The following ZFHX3 variants were observed in gnomAD, a reference collection of about 807,000 sequenced individuals.
ZFHX3 encodes the protein zinc finger homeobox 3.
A neutral mutation model predicts 279.1 loss-of-function variants in ZFHX3; 42 were observed. The ratio of observed to expected loss-of-function variants is 0.15; its 90% CI spans 0.12 to 0.19. The LOEUF (loss-of-function observed/expected upper bound fraction) is 0.19, where lower values mean the gene tolerates loss of function less well. Ranked by LOEUF, ZFHX3 falls within the 10% of genes least tolerant of loss-of-function variation. The pLI is 1.00. For synonymous variants in ZFHX3, 2,293 were observed against 1,957.8 expected (o/e 1.17, Z -4.52); for missense variants, 4,981 against 4,754.0 (o/e 1.05, Z -1.40).
At chr16:73,571,430 G>A (rs936715987) in intron 2 of ZFHX3, among the ~76,000 whole-genome samples, 1 of 152,110 alleles carries the variant, frequency 6.6e-6, no homozygotes, top group Admixed American at 6.5e-5. Flanking sequence ...CTCTAAAAAT[G>A]CCTTAAGTTG....
chr16:73,448,576 T>C (rs1025398057), intron 3 of ZFHX3, among the ~76,000 whole-genome samples: 1 of 151,206 alleles, frequency 6.6e-6, no homozygotes, highest in Non-Finnish European at 1.5e-5. Flanking sequence ...AGGAAGGTAA[T>C]AGAAAAAGAA....
At chr16:73,747,164 G>C (rs1022779305) in intron 1 of ZFHX3, among the ~76,000 whole-genome samples, 1 of 152,058 alleles carries the variant, frequency 6.6e-6, no homozygotes. Flanking sequence ...TTAAGTAAGA[G>C]AATCACTTGA....
intron 1 of ZFHX3, among the ~76,000 whole-genome samples, chr16:73,007,237 G>A (rs540365885): frequency 2.0e-5 from 3 of 152,076 alleles, no homozygotes; most frequent in Non-Finnish European, 4.4e-5. Flanking sequence ...CACTCATGTC[G>A]GAACTCAATC....
chr16:73,864,986 TA>T (rs1258411239), intron 1 of ZFHX3, among the ~76,000 whole-genome samples: 3 of 152,328 alleles, frequency 2.0e-5, no homozygotes, highest in African/African-American at 7.2e-5. Context: ...GCCTTGTTCT[TA>T]AGGGACTTTG....
chr16:73,019,580 T>C (rs1964228173), intron 1 of ZFHX3, among the ~76,000 whole-genome samples: 1 of 152,184 alleles, frequency 6.6e-6, no homozygotes, highest in South Asian at 2.1e-4. Context: ...CCCTGGCTAC[T>C]GGGTGACCCC....
intron 1 of ZFHX3, among the ~76,000 whole-genome samples, chr16:73,040,440 C>T (rs1965068841): frequency 6.6e-6 from 1 of 152,008 alleles, no homozygotes; most frequent in Non-Finnish European, 1.5e-5. Context: ...CAAGCCAGGA[C>T]AAGTCAGGCC....
intron 5 of ZFHX3, among the ~76,000 whole-genome samples, chr16:73,212,722 C>T (rs771126697): frequency 3.9e-5 from 6 of 152,100 alleles, no homozygotes; most frequent in African/African-American, 1.2e-4. Flanking sequence ...CTATGTGACT[C>T]GTGACTCTAA....
At chr16:73,335,340 A>G (rs1235576897) in intron 3 of ZFHX3, among the ~76,000 whole-genome samples, 2 of 152,254 alleles carry the variant, frequency 1.3e-5, no homozygotes, top group African/African-American at 2.4e-5. Flanking sequence ...GGAGTGAATT[A>G]GAACCTAAAA....
At chr16:73,854,294 C>T (rs770891298) in intron 1 of ZFHX3, among the ~76,000 whole-genome samples, 9 of 152,132 alleles carry the variant, frequency 5.9e-5, no homozygotes, top group Admixed American at 1.3e-4. Context: ...GGGAGGCAGA[C>T]GCGGGTGGAT....
intron 4 of ZFHX3, among the ~76,000 whole-genome samples, chr16:73,311,620 C>T (rs1183497778): frequency 7.2e-6 from 1 of 138,570 alleles, no homozygotes; most frequent in African/African-American, 2.7e-5. Flanking sequence ...AAAGAAGTCA[C>T]CAAAAGGCCA....
chr16:72,973,139 C>A (rs575120938), intron 1 of ZFHX3, among the ~76,000 whole-genome samples: 27 of 152,336 alleles, frequency 1.8e-4, no homozygotes, highest in Non-Finnish European at 2.2e-4. Flanking sequence ...TCTGTACATG[C>A]CTAGTGTCCC....
At chr16:73,553,131 TCCAATAAA>T (rs912943002) in intron 2 of ZFHX3, among the ~76,000 whole-genome samples, 4 of 151,684 alleles carry the variant, frequency 2.6e-5, no homozygotes, top group Admixed American at 2.0e-4. Context: ...GACATTTTAC[TCCAATAAA>T]CCAATGTTTC....
Position 72,788,479 on chromosome 16 carries a change from G to A in ZFHX3, c.9797C>T (p.Thr3266Met), listed in dbSNP as rs369772600. ...GGCTGAGATCGTGGCTGCAGTTGCC[G>A]TGGGGGCCTCTCCTTTCTCCTTCTT... Reference protein sequence around the residue: ...VPKKEKGEAPTATAATISAPL... With the variant: ...VPKKEKGEAPMATAATISAPL... The change falls in exon 10 of 10, where the codon ACG becomes ATG. Residue 3266 changes from threonine (T) to methionine (M), a missense_variant. Around this residue, in one of 7 missense-constraint regions of ZFHX3, gnomAD observed 1,034 missense variants for 786.0 expected, o/e 1.32. Coordinates refer to ENST00000268489, the MANE Select transcript of ZFHX3 (RefSeq NM_006885.4). The A allele has an allele frequency of 2.4e-5, 38 of 1,614,224 alleles. No homozygotes were observed. Among genetic ancestry groups the A allele is most frequent in the South Asian group, 7.7e-5 (7 of 91,088 alleles).
chr16:73,003,582 T>C (rs887785971), intron 1 of ZFHX3, among the ~76,000 whole-genome samples: 6 of 139,148 alleles, frequency 4.3e-5, no homozygotes, highest in African/African-American at 1.6e-4. Flanking sequence ...GGCGGGCGCC[T>C]GTAGTCCCAG....
chr16:73,108,567 T>C (rs996519170), intron 7 of ZFHX3, among the ~76,000 whole-genome samples: 1 of 151,992 alleles, frequency 6.6e-6, no homozygotes, highest in Non-Finnish European at 1.5e-5. Flanking sequence ...TATGTTATTG[T>C]GTAAACTAAA....
intron 2 of ZFHX3, among the ~76,000 whole-genome samples, chr16:73,633,524 C>G (rs77077141): frequency 2.0e-5 from 3 of 152,102 alleles, no homozygotes; most frequent in Admixed American, 2.0e-4. Context: ...CGAGACTATT[C>G]GTAATGTTTT....
At chr16:73,090,306 T>G (rs1036351344) in intron 8 of ZFHX3, among the ~76,000 whole-genome samples, 2 of 152,206 alleles carry the variant, frequency 1.3e-5, no homozygotes, top group South Asian at 4.1e-4. Flanking sequence ...GGTGGGAGGA[T>G]GGCTTGAGCC....
intron 6 of ZFHX3, among the ~76,000 whole-genome samples, chr16:73,135,516 G>A (rs551024019): frequency 1.3e-5 from 2 of 152,154 alleles, no homozygotes; most frequent in African/African-American, 4.8e-5. Flanking sequence ...CCAAGCTTTC[G>A]ACCCTGCTGC....
chr16:73,661,647 G>A (rs370398450), intron 2 of ZFHX3, among the ~76,000 whole-genome samples: 6 of 151,456 alleles, frequency 4.0e-5, no homozygotes, highest in African/African-American at 9.7e-5. Context: ...ACTTGAACCC[G>A]GGAGGTGAAG....
Sources: allele counts gnomAD v4.1 joint callset (sites outside exome capture counted in the v4.1 genomes callset), GRCh38; gene constraint gnomAD v4.1.1; regional missense constraint gnomAD v4.1.1; transcripts MANE v1.5; gene names NCBI Gene and HGNC (gene_info 2026-07-23, HGNC 2026-07-21).